Variants in PEBP4 observed in about 807,000 individuals in gnomAD.
PEBP4 encodes phosphatidylethanolamine-binding protein 4.
A neutral mutation model predicts 23.9 loss-of-function variants in PEBP4; 22 were observed. The observed-to-expected ratio is 0.92, with a 90% CI of 0.66 to 1.31. The LOEUF (loss-of-function observed/expected upper bound fraction) is 1.31, where lower values mean the gene tolerates loss of function less well. PEBP4 is among the 40% of genes most tolerant of loss of function. The pLI, the probability that PEBP4 is intolerant of heterozygous loss-of-function variation, is 0.00. For missense variants in PEBP4, 324 were observed against 281.7 expected (o/e 1.15, Z -1.07); for synonymous variants, 112 against 99.3 (o/e 1.13, Z -0.76).
In PEBP4 at chr8:22,732,591, AAAAG is replaced by A. The variant is rs1192473870; in HGVS notation, c.358-5375_358-5372del. ...AATAAAATTTAAAGAAATGAAAAGA[AAAAG>A]AATAGTAGTCACTCCTTTTTCCTAG... is the stretch of plus-strand genomic sequence containing the variant. On this transcript the variant is annotated intron_variant, in intron 4 of 6. Coordinates refer to ENST00000256404, the MANE Select transcript of PEBP4 (RefSeq NM_144962.3). 2.0e-5 allele frequency among the ~76,000 whole-genome samples: 3 copies of A among 152,186 alleles called. No homozygotes were observed. In the East Asian group the frequency reaches 5.8e-4, roughly 29 times the overall value.
chr8:22,746,529 C>T (rs1221917499), intron 4 of PEBP4, among the ~76,000 whole-genome samples: 1 of 152,008 alleles, frequency 6.6e-6, no homozygotes, highest in Admixed American at 6.6e-5. Context: ...ACTGCCTTCC[C>T]CTTCTCTCCG....
At chr8:22,894,540 C>A (rs1808555676) in intron 3 of PEBP4, among the ~76,000 whole-genome samples, 1 of 152,168 alleles carries the variant, frequency 6.6e-6, no homozygotes, top group Non-Finnish European at 1.5e-5. Flanking sequence ...CGTAATCATG[C>A]CACTGCACTC....
At chr8:22,918,833 C>G (rs1424875166) in intron 3 of PEBP4, among the ~76,000 whole-genome samples, 1 of 152,202 alleles carries the variant, frequency 6.6e-6, no homozygotes, top group Non-Finnish European at 1.5e-5. Context: ...CCTTTCTCTG[C>G]TCCTCTTGGC....
Position 22,813,203 on chromosome 8 carries a change from C to G in PEBP4, c.357+4434G>C, listed in dbSNP as rs1806669364. On this transcript the variant is annotated intron_variant, in intron 4 of 6. Coordinates refer to ENST00000256404, the MANE Select transcript of PEBP4 (RefSeq NM_144962.3). ...TGACCCTTTAGAGACTCTTTTAATT[C>G]AACCCAGAATTGGTTGCATTTACAG... is the stretch of plus-strand genomic sequence containing the variant. Among the ~76,000 whole-genome samples the G allele has an allele frequency of 1.3e-5, 2 of 152,156 alleles. 1 individual carries two copies. Among genetic ancestry groups the G allele is most frequent in the South Asian group, 4.1e-4 (2 of 4,826 alleles).
chr8:22,933,799 G>A (rs1809497167), intron 1 of PEBP4, among the ~76,000 whole-genome samples: 1 of 152,190 alleles, frequency 6.6e-6, no homozygotes, highest in African/African-American at 2.4e-5. Context: ...ATTTTGGTTT[G>A]TAATTCCACT....
chr8:22,928,532 G>A (rs1406073131), upstream of PEBP4, among the ~76,000 whole-genome samples: 2 of 152,284 alleles, frequency 1.3e-5, no homozygotes, highest in African/African-American at 2.4e-5. Flanking sequence ...AAGGGGAGCC[G>A]GGGACTGTCG....
At chr8:22,730,977 C>T (rs1804718501) in intron 4 of PEBP4, among the ~76,000 whole-genome samples, 1 of 152,156 alleles carries the variant, frequency 6.6e-6, no homozygotes, top group Non-Finnish European at 1.5e-5. Context: ...GACCCTGCTG[C>T]CTCCCCCAGC....
intron 4 of PEBP4, among the ~76,000 whole-genome samples, chr8:22,815,348 G>C (rs942764596): frequency 1.3e-5 from 2 of 152,200 alleles, no homozygotes; most frequent in Non-Finnish European, 1.5e-5. Flanking sequence ...GGGTGGGGTA[G>C]TGCCTAGGCA....
chr8:22,811,492 T>A (rs1342526844), intron 4 of PEBP4, among the ~76,000 whole-genome samples: 1 of 152,214 alleles, frequency 6.6e-6, no homozygotes, highest in Non-Finnish European at 1.5e-5. Context: ...AGAGTGGGAC[T>A]GTGAGTGATA....
chr8:22,753,123 G>A (rs1240898289), intron 4 of PEBP4, among the ~76,000 whole-genome samples: 1 of 152,202 alleles, frequency 6.6e-6, no homozygotes. Flanking sequence ...GTGCCTACCA[G>A]GTGCAGAGAC....
intron 4 of PEBP4, among the ~76,000 whole-genome samples, chr8:22,753,879 C>G (rs1208816972): frequency 2.0e-5 from 3 of 152,320 alleles, no homozygotes; most frequent in African/African-American, 7.2e-5. Context: ...GTGCGGGGAA[C>G]AGAGCACATC....
chr8:22,797,083 C>T (rs1422371494), intron 4 of PEBP4, among the ~76,000 whole-genome samples: 4 of 151,648 alleles, frequency 2.6e-5, no homozygotes, highest in Non-Finnish European at 5.9e-5. Flanking sequence ...TGGAGAAACC[C>T]GGTCTCTACT....
chr8:22,938,117 G>A (rs1809564932), intron 1 of PEBP4, among the ~76,000 whole-genome samples: 1 of 151,834 alleles, frequency 6.6e-6, no homozygotes, highest in African/African-American at 2.4e-5. Context: ...GGCATCAAAG[G>A]ACACTATCAA....
At chr8:22,728,588 C>G (rs1185888192) in intron 4 of PEBP4, among the ~76,000 whole-genome samples, 1 of 135,772 alleles carries the variant, frequency 7.4e-6, no homozygotes, top group African/African-American at 2.8e-5. Flanking sequence ...TCCTTCCTTC[C>G]TTCCTTCCTT....
intron 2 of PEBP4, among the ~76,000 whole-genome samples, chr8:22,921,673 G>C (rs950687668): frequency 5.3e-5 from 8 of 152,240 alleles, no homozygotes; most frequent in African/African-American, 1.9e-4. Context: ...AGTGGAAGCC[G>C]GATGAGTCAT....
chr8:22,903,140 A>C (rs1808744266), intron 3 of PEBP4, among the ~76,000 whole-genome samples: 1 of 152,170 alleles, frequency 6.6e-6, no homozygotes, highest in African/African-American at 2.4e-5. Context: ...TCACCCCGGA[A>C]ACCGCGAAAT....
intron 2 of PEBP4, chr8:22,925,186 C>T: frequency 1.0e-6 from 1 of 985,430 alleles, no homozygotes; most frequent in South Asian, 4.7e-5. Context: ...GACAAAGCTC[C>T]TCTTTTGCGA....
intron 4 of PEBP4, among the ~76,000 whole-genome samples, chr8:22,771,495 G>GA (rs1212723769): frequency 6.7e-5 from 10 of 149,800 alleles, no homozygotes; most frequent in East Asian, 5.8e-4. Context: ...TCTCAAAAAA[G>GA]AAAAAAAAAG....
At chr8:22,720,210 G>A (rs1240960772) in intron 6 of PEBP4, among the ~76,000 whole-genome samples, 1 of 152,250 alleles carries the variant, frequency 6.6e-6, no homozygotes, top group African/African-American at 2.4e-5. Context: ...CAAAGCAGAT[G>A]TCTGGGGAGG....
Sources: allele counts gnomAD v4.1 joint callset (sites outside exome capture counted in the v4.1 genomes callset), GRCh38; gene constraint gnomAD v4.1.1; transcripts MANE v1.5; gene names NCBI Gene and HGNC (gene_info 2026-07-23, HGNC 2026-07-21).